INVS: variants seen among roughly 807,000 people sequenced by gnomAD.
INVS encodes the protein inversion of embryo turning homolog.
In INVS, 86 loss-of-function variants were observed where a neutral mutation model predicts 108.8. That is an observed-to-expected ratio of 0.79 (90% CI 0.66 to 0.95). The LOEUF (loss-of-function observed/expected upper bound fraction) is 0.95. Among genes scored for constraint, INVS ranks in the 40% least tolerant of loss-of-function variants. The pLI is 0.00. For synonymous variants in INVS, 455 were observed against 473.5 expected (o/e 0.96, Z 0.51); for missense variants, 1,169 against 1,297.4 (o/e 0.90, Z 1.52).
At chr9:100,122,998 G>T (rs180746435) in intron 2 of INVS, among the ~76,000 whole-genome samples, 15 of 152,224 alleles carry the variant, frequency 9.9e-5, no homozygotes, top group Non-Finnish European at 1.5e-4. Flanking sequence ...GTAGAACACT[G>T]CATGTTCCTT....
intron 3 of INVS, among the ~76,000 whole-genome samples, chr9:100,215,827 G>A (rs1352431639): frequency 2.0e-5 from 3 of 152,230 alleles, no homozygotes; most frequent in Non-Finnish European, 2.9e-5. Context: ...GAAGGGGCAA[G>A]GGCAATCCTC....
intron 3 of INVS, among the ~76,000 whole-genome samples, chr9:100,208,896 T>C (rs1172539507): frequency 1.3e-5 from 2 of 152,188 alleles, no homozygotes; most frequent in African/African-American, 4.8e-5. Context: ...GCAATGATGG[T>C]ATCTGAGAAA....
chr9:100,154,965 C>A (rs1828926719), intron 3 of INVS, among the ~76,000 whole-genome samples: 1 of 151,966 alleles, frequency 6.6e-6, no homozygotes, highest in Non-Finnish European at 1.5e-5. Context: ...GTAATCCCAG[C>A]ACTTTGGGAG....
chr9:100,213,581 C>T (rs976972065), intron 3 of INVS, among the ~76,000 whole-genome samples: 9 of 152,016 alleles, frequency 5.9e-5, no homozygotes, highest in Non-Finnish European at 1.5e-5. Flanking sequence ...TAAATATAAG[C>T]TAAGAAGTTA....
chr9:100,226,041 CA>C lies in INVS; in HGVS notation c.274-20del. 7 of 1,577,724 alleles carry C rather than the reference CA, an allele frequency of 4.4e-6. No homozygotes were observed. The highest frequency in any genetic ancestry group is 5.2e-6 in the Non-Finnish European group (6 of 1,161,048). ...ACCCCATAGTACATTTTTTTCTTAT[CA>C]TCTCTTGTTTTTTATTTAGGGAAAT... On this transcript the variant is annotated intron_variant, in intron 3 of 16. Coordinates refer to ENST00000262457, the MANE Select transcript of INVS (RefSeq NM_014425.5).
At chr9:100,140,497 A>C (rs150550756) in intron 3 of INVS, among the ~76,000 whole-genome samples, 194 of 152,240 alleles carry the variant, frequency 1.3e-3, no homozygotes, top group Non-Finnish European at 2.2e-3. Flanking sequence ...TTTGTGGTGG[A>C]ATGTCATCAG....
intron 3 of INVS, among the ~76,000 whole-genome samples, chr9:100,183,919 T>G (rs935234267): frequency 6.6e-6 from 1 of 151,822 alleles, no homozygotes; most frequent in African/African-American, 2.4e-5. Context: ...AAAACTATTA[T>G]GGAATTTATA....
intron 2 of INVS, among the ~76,000 whole-genome samples, chr9:100,109,176 TCTAA>T (rs1181598274): frequency 2.0e-5 from 3 of 152,246 alleles, no homozygotes; most frequent in African/African-American, 7.2e-5. Context: ...AGTTTTAAGT[TCTAA>T]CTGTTATTTA....
intron 3 of INVS, among the ~76,000 whole-genome samples, chr9:100,210,851 T>C (rs993618267): frequency 5.9e-5 from 9 of 152,018 alleles, no homozygotes; most frequent in Non-Finnish European, 1.0e-4. Flanking sequence ...TTAAGAAATA[T>C]TAATTCCAAA....
chr9:100,153,190 A>G (rs145355244), intron 3 of INVS, among the ~76,000 whole-genome samples: 40 of 152,142 alleles, frequency 2.6e-4, no homozygotes, highest in African/African-American at 9.6e-4. Context: ...AAGTGATAGG[A>G]AAAAGACTAA....
At chr9:100,139,922 C>T (rs955271059) in intron 3 of INVS, among the ~76,000 whole-genome samples, 3 of 152,192 alleles carry the variant, frequency 2.0e-5, no homozygotes, top group Non-Finnish European at 4.4e-5. Context: ...GGATTACAGG[C>T]ATGAGCCACC....
At position 100,223,583 on chromosome 9, in the gene INVS, A is replaced by G. The variant is rs138612055; in HGVS notation, c.274-2479A>G. Among the ~76,000 whole-genome samples, 3 of 152,338 alleles carry G rather than the reference A, an allele frequency of 2.0e-5. No homozygotes were observed. The East Asian group carries it at 5.8e-4, about 29-fold the overall frequency. On this transcript the variant is annotated intron_variant, in intron 3 of 16. Coordinates refer to ENST00000262457, the MANE Select transcript of INVS (RefSeq NM_014425.5). ...GCTTACAGTTTGTGAGGGAGCTCAC[A>G]CTGAAGAGAAACAAACAAATATATA...
chr9:100,194,751 G>A (rs1465189140), intron 3 of INVS, among the ~76,000 whole-genome samples: 5 of 152,170 alleles, frequency 3.3e-5, no homozygotes, highest in Admixed American at 3.3e-4. Context: ...AATAACAAAT[G>A]TAGGGGGAAG....
chr9:100,224,224 T>G (rs1246200894), intron 3 of INVS, among the ~76,000 whole-genome samples: 1 of 152,206 alleles, frequency 6.6e-6, no homozygotes, highest in Non-Finnish European at 1.5e-5. Context: ...AAAAAATGTA[T>G]TCCTTACTAA....
At chr9:100,250,602 A>T (rs1002558089) in intron 8 of INVS, among the ~76,000 whole-genome samples, 1 of 152,174 alleles carries the variant, frequency 6.6e-6, no homozygotes, top group Admixed American at 6.5e-5. Context: ...CAAATCCCGT[A>T]GCAAGTCCTG....
intron 3 of INVS, among the ~76,000 whole-genome samples, chr9:100,162,233 G>C (rs983281322): frequency 6.6e-6 from 1 of 152,082 alleles, no homozygotes; most frequent in African/African-American, 2.4e-5. Context: ...GTCCATCATG[G>C]AAATTTGTAT....
intron 2 of INVS, chr9:100,117,096 C>T: frequency 2.5e-6 from 3 of 1,192,812 alleles, no homozygotes; most frequent in Non-Finnish European, 3.5e-6. Flanking sequence ...TTGCAAGGGA[C>T]GGTGTGGGGC....
chr9:100,258,408 G>A (rs1042005914), intron 10 of INVS, among the ~76,000 whole-genome samples: 14 of 152,112 alleles, frequency 9.2e-5, no homozygotes, highest in African/African-American at 2.9e-4. Flanking sequence ...TACTTCTGTC[G>A]ACTCGTCAAA....
chr9:100,220,645 A>G (rs1367923499), intron 3 of INVS, among the ~76,000 whole-genome samples: 5 of 152,148 alleles, frequency 3.3e-5, no homozygotes, highest in Non-Finnish European at 7.3e-5. Context: ...AGACCCTAAA[A>G]CAAACCGTCC....
Sources: allele counts gnomAD v4.1 joint callset (sites outside exome capture counted in the v4.1 genomes callset), GRCh38; gene constraint gnomAD v4.1.1; transcripts MANE v1.5; gene names NCBI Gene and HGNC (gene_info 2026-07-23, HGNC 2026-07-21).